The following MLF2 variants were observed in gnomAD, a reference collection of about 807,000 sequenced individuals.
The protein encoded by MLF2 is myelodysplasia-myeloid leukemia factor 2.
Under a neutral mutation model 31.4 loss-of-function variants are expected in MLF2, and 12 were observed. The observed-to-expected ratio is 0.38, with a 90% CI of 0.24 to 0.62. MLF2 has a LOEUF of 0.62. Among genes scored for constraint, MLF2 ranks in the 20% least tolerant of loss-of-function variants. The pLI is 0.58. For synonymous variants in MLF2, 109 were observed against 118.8 expected, an observed-to-expected ratio of 0.92 and a Z score of 0.54; for missense variants, 272 against 359.7, an observed-to-expected ratio of 0.76 and a Z score of 1.97.
At chr12:6,751,736 A>G in intron 3 of MLF2, 60 bp from the exon 4 acceptor site, 1 of 1,603,954 alleles carries the variant, frequency 6.2e-7, no homozygotes, top group Non-Finnish European at 8.5e-7. Context: ...TACAATCCCA[A>G]ACCAGGCCCA....
Position 6,750,785 on chromosome 12 carries a change from A to C in MLF2, c.217-19T>G. The stretch of plus-strand genomic sequence containing the variant: ...CACCCGACTGGAGGAAAGAGATGGA[A>C]AACAGAGTCAGGAAAGCAAAGTCAG... On this transcript the variant is annotated intron_variant, in intron 4 of 8. Transcript: ENST00000203630. This position sits in a 1 kb window ranked among gnomAD's most constrained non-coding sequence, Gnocchi z 5.3. 1.9e-6 allele frequency: 3 copies of C among 1,613,006 alleles called. No individual in the cohort carries two copies. Among genetic ancestry groups the C allele is most frequent in the Non-Finnish European group, 1.7e-6 (2 of 1,179,100 alleles).
chr12:6,750,268 GAGA>G lies in MLF2; in HGVS notation c.305_307del (p.Phe102del). 1 of 1,614,216 alleles carries G rather than the reference GAGA, an allele frequency of 6.2e-7. No individual in the cohort carries two copies. The highest frequency in any genetic ancestry group is 8.5e-7 in the Non-Finnish European group (1 of 1,180,034). ...GGAGTAGGAGATGACAGTGGAAGAT[GAGA>G]AGGTCTGGCAATTGCCTCCAGCTGT... is the stretch of plus-strand genomic sequence containing the variant. On this transcript the variant is annotated inframe_deletion, in exon 6 of 9. Transcript: ENST00000203630. This position sits in a 1 kb window ranked among gnomAD's most constrained non-coding sequence, Gnocchi z 5.3.
In MLF2 at chr12:6,749,012, G is replaced by GT. The variant is rs777657480; in HGVS notation, c.560-31dup. The GT allele has an allele frequency of 6.5e-7, 1 of 1,527,784 alleles. No homozygotes were observed. Among genetic ancestry groups the GT allele is most frequent in the Non-Finnish European group, 8.7e-7 (1 of 1,145,750 alleles). 94.6% of individuals were successfully genotyped at this position (1,527,784 alleles called of 1,614,324 possible). A position where few individuals can be genotyped will look rare whatever the true frequency, so the allele number is the denominator to read the frequency against. On this transcript the variant is annotated intron_variant, in intron 7 of 8. Transcript: ENST00000203630. This position sits in a 1 kb window ranked among gnomAD's most constrained non-coding sequence, Gnocchi z 5.3. ...AAAGGACAGAGCGGACATGAGGCCT[G>GT]TGTGCGGCCTGGCTCCTGGAGGCCG...
chr12:6,748,921 A>ACGC lies in MLF2; in HGVS notation c.618_620dup (p.Arg207dup), dbSNP rs1332920269. 6.2e-7 allele frequency: 1 copy of ACGC among 1,602,490 alleles called. No homozygotes were observed. ...ACTCAAGCCGCCGAAACTCCAGGGG[A>ACGC]CGCTGCTGCCGGAATCGGGAGGTCT... On this transcript the variant is annotated inframe_insertion, in exon 8 of 9. Transcript: ENST00000203630. This position sits in a 1 kb window ranked among gnomAD's most constrained non-coding sequence, Gnocchi z 4.6.
At position 6,749,457 on chromosome 12, in the gene MLF2, A is replaced by G. The variant is rs956839407; in HGVS notation, c.559+391T>C. Among the ~76,000 whole-genome samples, 6 of 152,224 alleles carry G rather than the reference A, an allele frequency of 3.9e-5. No homozygotes were observed. The highest frequency in any genetic ancestry group is 8.8e-5 in the Non-Finnish European group (6 of 68,032). ...TTGGGTGCAGTGGCTCATGCCTGTA[A>G]TCCCGGCACTTTGGGAGGCCAACGG... is the stretch of plus-strand genomic sequence containing the variant. On this transcript the variant is annotated intron_variant, in intron 7 of 8. Coordinates refer to ENST00000203630, the MANE Select transcript of MLF2 (RefSeq NM_001382226.1). The surrounding 1 kb of genome is among the most constrained non-coding windows in gnomAD (Gnocchi z 5.3).
In MLF2 at chr12:6,750,593, T is replaced by C; in HGVS notation, c.270+120A>G. ...GGGTCCCAAGGCTCTCTGGTTCAAT[T>C]ACTTTATCCAGTACTTTACCCTTCA... On this transcript the variant is annotated intron_variant, in intron 5 of 8. Transcript: ENST00000203630. This position sits in a 1 kb window ranked among gnomAD's most constrained non-coding sequence, Gnocchi z 5.3. The C allele has an allele frequency of 1.6e-6, 2 of 1,218,406 alleles. No homozygotes were observed. Among genetic ancestry groups the C allele is most frequent in the Non-Finnish European group, 2.4e-6 (2 of 845,798 alleles). The allele number at this position is 1,218,406 out of a possible 1,614,324, so 75.5% of individuals were successfully genotyped here.
Position 6,750,501 on chromosome 12 carries a change from G to T in MLF2, c.271-196C>A. ...AGCAAGAAGGACCTGAAGAGACAGG[G>T]CCTTAATTGTATGCTACGTAAGAGA... On this transcript the variant is annotated intron_variant, in intron 5 of 8. Transcript: ENST00000203630. This position sits in a 1 kb window ranked among gnomAD's most constrained non-coding sequence, Gnocchi z 5.3. 1 of 888,524 alleles carries T rather than the reference G, an allele frequency of 1.1e-6. No homozygotes were observed. The highest frequency in any genetic ancestry group is 1.7e-6 in the Non-Finnish European group (1 of 586,944). 55.0% of individuals were successfully genotyped at this position (888,524 alleles called of 1,614,324 possible).
chr12:6,748,873 C>T lies in MLF2; in HGVS notation c.669G>A (p.Arg223=), dbSNP rs748283940. The T allele has an allele frequency of 3.1e-6, 5 of 1,597,896 alleles. No individual in the cohort carries two copies. Among genetic ancestry groups the T allele is most frequent in the African/African-American group, 1.4e-5 (1 of 73,608 alleles). Residue 223 remains arginine (R), a synonymous_variant, in exon 8 of 9, where the codon AGG becomes AGA. Transcript: ENST00000203630. This position sits in a 1 kb window ranked among gnomAD's most constrained non-coding sequence, Gnocchi z 4.6. ...TGGCCAGGCGGGGAGGCCCCTCCGC[C>T]CTTCGTCCCCCAGCCCCTGAGGACT... is the stretch of plus-strand genomic sequence containing the variant. ...RLESSGAGGR[R]AEGPPRLAIQ...
In MLF2 at chr12:6,752,592, C is replaced by T. The variant is rs1941632965; in HGVS notation, c.-28-230G>A. On this transcript the variant is annotated intron_variant, in intron 1 of 8. Transcript: ENST00000203630. This position sits in a 1 kb window ranked among gnomAD's most constrained non-coding sequence, Gnocchi z 4.6. ...ATTTTTCCAACCCTCTCGGTTTTTC[C>T]CTCCCCCACTCAGAGCCATCCTCTT... 2.2e-6 allele frequency: 1 copy of T among 463,066 alleles called. No individual in the cohort carries two copies. The highest frequency in any genetic ancestry group is 2.9e-5 in the South Asian group (1 of 34,394). 28.7% of individuals were successfully genotyped at this position (463,066 alleles called of 1,614,324 possible). A position where few individuals can be genotyped will look rare whatever the true frequency, so the allele number is the denominator to read the frequency against.
rs757425743 is a variant in MLF2, at chr12:6,749,963, C to T, written c.444G>A (p.Leu148=). The T allele has an allele frequency of 6.2e-7, 1 of 1,614,206 alleles. No homozygotes were observed. The highest frequency in any genetic ancestry group is 1.3e-5 in the African/African-American group (1 of 75,046). Residue 148 remains leucine, a synonymous_variant, in exon 7 of 9, where the codon CTG becomes CTA. Coordinates refer to ENST00000203630, the MANE Select transcript of MLF2 (RefSeq NM_001382226.1). The surrounding 1 kb of genome is among the most constrained non-coding windows in gnomAD (Gnocchi z 5.3). ...RRTVRDSDSG[L]EQMSIGHHIR... ...TGTGATGCCCAATGGACATCTGCTCCAGTCCACTGTCTGAATCCCGAACAG... is the reference window on the plus strand; with the variant it reads ...TGTGATGCCCAATGGACATCTGCTCTAGTCCACTGTCTGAATCCCGAACAG...
rs1010310320 is a variant in MLF2, at chr12:6,749,520, G to C, written c.559+328C>G. Among the ~76,000 whole-genome samples the C allele has an allele frequency of 2.0e-5, 3 of 152,240 alleles. No individual in the cohort carries two copies. The highest frequency in any genetic ancestry group is 7.2e-5 in the African/African-American group (3 of 41,452). Reference sequence around the variant, plus strand: ...TCACAAGGTCAGGAGTTCGAGAACGGCCTGCCCAACATGGTGAAACCCTGT... The same window carrying C: ...TCACAAGGTCAGGAGTTCGAGAACGCCCTGCCCAACATGGTGAAACCCTGT... On this transcript the variant is annotated intron_variant, in intron 7 of 8. Coordinates refer to ENST00000203630, the MANE Select transcript of MLF2 (RefSeq NM_001382226.1). This position sits in a 1 kb window ranked among gnomAD's most constrained non-coding sequence, Gnocchi z 5.3.
rs1941590568 is a variant in MLF2 at position 6,750,043 on chromosome 12, C to T, written c.400-36G>A. The T allele has an allele frequency of 6.2e-7, 1 of 1,613,016 alleles. No homozygotes were observed. Among genetic ancestry groups the T allele is most frequent in the Admixed American group, 1.7e-5 (1 of 59,992 alleles). ...GCAGAACGTGGCACACTCAGCCGCC[C>T]CTTCCAAAGCCCTGCCTATACCATC... On this transcript the variant is annotated intron_variant, in intron 6 of 8. Transcript: ENST00000203630. This position sits in a 1 kb window ranked among gnomAD's most constrained non-coding sequence, Gnocchi z 5.3.
Position 6,750,075 on chromosome 12 carries a change from T to A in MLF2, c.400-68A>T, listed in dbSNP as rs983985722. ...AAGCCCTGCCTATACCATCTCAGGATAAACACACCACACACAACCCAATCC... is the reference window on the plus strand; with the variant it reads ...AAGCCCTGCCTATACCATCTCAGGAAAAACACACCACACACAACCCAATCC... On this transcript the variant is annotated intron_variant, in intron 6 of 8. Transcript: ENST00000203630. This position sits in a 1 kb window ranked among gnomAD's most constrained non-coding sequence, Gnocchi z 5.3. 1.2e-6 allele frequency: 2 copies of A among 1,611,650 alleles called. No homozygotes were observed. The highest frequency in any genetic ancestry group is 2.7e-5 in the African/African-American group (2 of 74,872).
chr12:6,752,224 T>C lies in MLF2; in HGVS notation c.50+61A>G, dbSNP rs1422202523. ...CCATTCCTAGCAATGGGAACCCCGA[T>C]GTCTGCCTGAACTGCTCAGAGACCT... On this transcript the variant is annotated intron_variant, in intron 2 of 8. Transcript: ENST00000203630. The surrounding 1 kb of genome is among the most constrained non-coding windows in gnomAD (Gnocchi z 4.6). 9 of 1,545,790 alleles carry C rather than the reference T, an allele frequency of 5.8e-6. No individual in the cohort carries two copies. In the South Asian group the frequency reaches 9.5e-5, roughly 16 times the overall value.
Position 6,752,882 on chromosome 12 carries a change from C to G in MLF2, c.-29+57G>C, listed in dbSNP as rs1941638371. On this transcript the variant is annotated intron_variant, in intron 1 of 8. Transcript: ENST00000203630. This position sits in a 1 kb window ranked among gnomAD's most constrained non-coding sequence, Gnocchi z 4.6. ...CACCCCGCATCCCGGGCTCCCAGAC[C>G]CTGCAGCCCCGTGGGCCCGCTCCCG... The G allele has an allele frequency of 1.1e-5, 2 of 174,054 alleles. No individual in the cohort carries two copies. Among genetic ancestry groups the G allele is most frequent in the Non-Finnish European group, 2.4e-5 (2 of 82,868 alleles). 10.8% of individuals were successfully genotyped at this position (174,054 alleles called of 1,614,324 possible). A position where few individuals can be genotyped will look rare whatever the true frequency, so the allele number is the denominator to read the frequency against.
Position 6,753,096 on chromosome 12 carries a change from C to CCCTCGGCCAACGGAGCCCGAA in MLF2, c.-207_-187dup, listed in dbSNP as rs1194963062. ...CCACAGCTGCCACCTCCGTACGGCC[C>CCCTCGGCCAACGGAGCCCGAA]CCTCGGCCAACGGAGCCCGAACCTC... On this transcript the variant is annotated 5_prime_UTR_variant, in exon 1 of 9. Coordinates refer to ENST00000203630, the MANE Select transcript of MLF2 (RefSeq NM_001382226.1). 4 of 391,946 alleles carry CCCTCGGCCAACGGAGCCCGAA rather than the reference C, an allele frequency of 1.0e-5. No individual in the cohort carries two copies. Among genetic ancestry groups the CCCTCGGCCAACGGAGCCCGAA allele is most frequent in the Admixed American group, 4.4e-5 (1 of 22,484 alleles). The allele number at this position is 391,946 out of a possible 1,614,324, so 24.3% of individuals were successfully genotyped here. A position where few individuals can be genotyped will look rare whatever the true frequency, so the allele number is the denominator to read the frequency against.
At position 6,748,801 on chromosome 12, in the gene MLF2, G is replaced by A. The variant is rs2137778191; in HGVS notation, c.741C>T (p.Asp247=). The change falls in exon 8 of 9, where the codon GAC becomes GAT. Residue 247 remains aspartate, a synonymous_variant. Transcript: ENST00000203630. The surrounding 1 kb of genome is among the most constrained non-coding windows in gnomAD (Gnocchi z 4.6). ...GGCTGAGGGCCCGGGGCCCTCACCAGTCATAGCGGCGGGACTGTCGGGAAG... is the reference window on the plus strand; with the variant it reads ...GGCTGAGGGCCCGGGGCCCTCACCAATCATAGCGGCGGGACTGTCGGGAAG... ...DSPSRQSRRY[D]W 6.5e-7 allele frequency: 1 copy of A among 1,533,752 alleles called. No homozygotes were observed. Among genetic ancestry groups the A allele is most frequent in the East Asian group, 2.5e-5 (1 of 39,796 alleles).
chr12:6,751,894 T>G, intron 3 of MLF2, 31 bp downstream of exon 3: 1 of 1,611,418 alleles, frequency 6.2e-7, no homozygotes, highest in Non-Finnish European at 8.5e-7. Context: ...CAACCTTTCT[T>G]TGGGTCTCAG....
Position 6,749,061 on chromosome 12 carries a change from T to G in MLF2, c.560-79A>C, listed in dbSNP as rs1941570543. ...CGATGTGCGAGCGAGCCACAGCTTTTCGGGCCAAAGCGGCGAAGGCTGAGT... is the reference window on the plus strand; with the variant it reads ...CGATGTGCGAGCGAGCCACAGCTTTGCGGGCCAAAGCGGCGAAGGCTGAGT... On this transcript the variant is annotated intron_variant, in intron 7 of 8. Coordinates refer to ENST00000203630, the MANE Select transcript of MLF2 (RefSeq NM_001382226.1). The surrounding 1 kb of genome is among the most constrained non-coding windows in gnomAD (Gnocchi z 5.3). The G allele has an allele frequency of 7.0e-7, 1 of 1,427,064 alleles. No individual in the cohort carries two copies. Among genetic ancestry groups the G allele is most frequent in the African/African-American group, 1.5e-5 (1 of 66,298 alleles). 88.4% of individuals were successfully genotyped at this position (1,427,064 alleles called of 1,614,324 possible). A position where few individuals can be genotyped will look rare whatever the true frequency, so the allele number is the denominator to read the frequency against.
Sources: gnomAD v4.1 joint callset for allele counts (sites outside exome capture counted in the v4.1 genomes callset) on GRCh38, gnomAD v4.1.1 for gene constraint, Gnocchi (gnomAD v3.1) non-coding constraint, MANE v1.5 for transcripts, NCBI Gene and HGNC (gene_info 2026-07-23, HGNC 2026-07-21) for gene names.